Variants in MYOF observed in about 807,000 individuals in gnomAD.
The protein encoded by MYOF is fer-1-like 3, myoferlin.
In MYOF, 244 loss-of-function variants were observed where a neutral mutation model predicts 284.2. The observed-to-expected ratio is 0.86, with a 90% CI of 0.77 to 0.95. The LOEUF is 0.95. MYOF is among the 40% of genes least tolerant of loss of function. The probability of loss-of-function intolerance (pLI) is 0.00; values close to 1 mark genes in which losing one functional copy is unlikely to be tolerated. For synonymous variants in MYOF, 904 were observed against 919.7 expected (o/e 0.98, Z 0.31); for missense variants, 2,496 against 2,560.6 (o/e 0.97, Z 0.54).
intron 49 of MYOF, among the ~76,000 whole-genome samples, chr10:93,318,691 G>A (rs1385449134): frequency 6.6e-6 from 1 of 151,686 alleles, no homozygotes; most frequent in African/African-American, 2.4e-5. Flanking sequence ...CCAGGAGGCA[G>A]AGGTTGTGGT....
rs555976645 is a variant in MYOF, at chr10:93,377,733, T to C, written c.2002-304A>G. 2.0e-5 allele frequency among the ~76,000 whole-genome samples: 3 copies of C among 152,238 alleles called. No homozygotes were observed. In the East Asian group the frequency reaches 5.8e-4, roughly 29 times the overall value. On this transcript the variant is annotated intron_variant, in intron 21 of 53. Coordinates refer to ENST00000359263, the MANE Select transcript of MYOF (RefSeq NM_013451.4). ...CAGAAAAAAAAAACCCATAAACATA[T>C]TGAACTCTAATTAGTAGGCTTATTT...
intron 53 of MYOF, 33 bp from the exon 54 acceptor site, chr10:93,307,034 C>T (rs767993444): frequency 6.3e-7 from 1 of 1,580,706 alleles, no homozygotes; most frequent in South Asian, 1.1e-5. Context: ...GGTAAAAAAA[C>T]ATGTATGTAT....
intron 53 of MYOF, among the ~76,000 whole-genome samples, chr10:93,308,728 T>C (rs542805107): frequency 2.0e-5 from 3 of 152,032 alleles, no homozygotes; most frequent in Non-Finnish European, 4.4e-5. Flanking sequence ...TACTATTTTT[T>C]TGAGACAGAG....
intron 3 of MYOF, among the ~76,000 whole-genome samples, chr10:93,449,151 A>C (rs1468462239): frequency 6.6e-6 from 1 of 152,244 alleles, no homozygotes; most frequent in Non-Finnish European, 1.5e-5. Flanking sequence ...GTAAGTGTGA[A>C]GCAAACACCA....
At chr10:93,439,394 C>T (rs539467047) in intron 3 of MYOF, among the ~76,000 whole-genome samples, 1 of 152,318 alleles carries the variant, frequency 6.6e-6, no homozygotes, top group African/African-American at 2.4e-5. Context: ...TGCCTGCCTG[C>T]CTGCCTGCCT....
chr10:93,378,539 T>C (rs1291364679), intron 21 of MYOF, among the ~76,000 whole-genome samples: 4 of 151,638 alleles, frequency 2.6e-5, no homozygotes, highest in Admixed American at 2.0e-4. Context: ...TGAAACCCCA[T>C]ATGTTTTGGT....
In MYOF at chr10:93,336,041, A is replaced by G. The variant is rs200344423; in HGVS notation, c.4443T>C (p.Tyr1481=). ...CTGCTACATTTTCTAGTTCACAATT[A>G]TATATCTGAAAACCACCAACAGAGT... ...IQKGYSKLKI[Y]NCELENVAEF... is the part of the protein sequence containing the mutation. Residue 1481 remains tyrosine, a synonymous_variant, in exon 41 of 54, where the codon TAT becomes TAC. Transcript: ENST00000359263. The G allele has an allele frequency of 6.2e-7, 1 of 1,613,454 alleles. No individual in the cohort carries two copies. Among genetic ancestry groups the G allele is most frequent in the Admixed American group, 1.7e-5 (1 of 59,842 alleles).
chr10:93,403,007 G>A (rs1448260987), intron 9 of MYOF, 117 bp from the exon 10 acceptor site: 26 of 871,820 alleles, frequency 3.0e-5, no homozygotes, highest in Non-Finnish European at 2.9e-5. Flanking sequence ...ATTTCCTTGA[G>A]ACCCAACATT....
intron 1 of MYOF, among the ~76,000 whole-genome samples, chr10:93,467,170 T>G (rs1564741270): frequency 6.6e-6 from 1 of 151,864 alleles, no homozygotes; most frequent in African/African-American, 2.4e-5. Flanking sequence ...TTTTTTAAAT[T>G]TTATTATTAT....
In MYOF at chr10:93,333,814, C is replaced by T; in HGVS notation, c.4663G>A (p.Val1555Ile). The part of the protein sequence containing the change: ...LPDSVPQECT[V>I]RIYIVRGLEL... ...AAGCCTCGAACAATGTAAATCCTAA[C>T]CGTGCATTCCTGTGGGACGCTGTCA... Residue 1555 changes from valine (V) to isoleucine (I), a missense_variant, in exon 42 of 54, where the codon GTT becomes ATT. This residue lies in a region of MYOF where 2,436 missense variants were observed against 2,480.7 expected (regional missense o/e 0.98). Transcript: ENST00000359263. The T allele has an allele frequency of 6.2e-7, 1 of 1,614,154 alleles. No individual in the cohort carries two copies. The highest frequency in any genetic ancestry group is 8.5e-7 in the Non-Finnish European group (1 of 1,180,036).
intron 43 of MYOF, among the ~76,000 whole-genome samples, chr10:93,331,729 T>G: frequency 6.6e-6 from 1 of 150,436 alleles, no homozygotes; most frequent in Non-Finnish European, 1.5e-5. Flanking sequence ...GGTGGGCAGG[T>G]GTGTGCATGT....
At chr10:93,432,984 A>G (rs1848941051) in intron 3 of MYOF, among the ~76,000 whole-genome samples, 1 of 152,202 alleles carries the variant, frequency 6.6e-6, no homozygotes, top group Non-Finnish European at 1.5e-5. Flanking sequence ...TCTATATAAA[A>G]ATGTAACCTG....
intron 1 of MYOF, among the ~76,000 whole-genome samples, chr10:93,459,167 C>T (rs1008051108): frequency 2.0e-5 from 3 of 152,186 alleles, no homozygotes; most frequent in Admixed American, 2.0e-4. Flanking sequence ...CTCTGAGGTC[C>T]CCTAGACGCT....
intron 36 of MYOF, 61 bp downstream of exon 36, chr10:93,349,747 G>A (rs1844412073): frequency 3.2e-6 from 5 of 1,571,208 alleles, no homozygotes; most frequent in Non-Finnish European, 3.5e-6. Context: ...GTGTGTGTGT[G>A]TGAGGCACAT....
chr10:93,333,911 G>C lies in MYOF; in HGVS notation c.4566C>G (p.Gly1522=). The C allele has an allele frequency of 6.2e-7, 1 of 1,613,734 alleles. No individual in the cohort carries two copies. The highest frequency in any genetic ancestry group is 8.5e-7 in the Non-Finnish European group (1 of 1,179,838). ...EDPSVVGEFK[G]SFRIYPLPDD... Reference sequence around the variant, plus strand: ...CCGGCAGAGGGTAGATCCGAAAGGAGCCCTAAAAGAGAGAGACAGAAGGAC... The same window carrying C: ...CCGGCAGAGGGTAGATCCGAAAGGACCCCTAAAAGAGAGAGACAGAAGGAC... The change falls in exon 42 of 54, where the codon GGC becomes GGG. Residue 1522 remains glycine, a splice_region_variant and synonymous_variant. Transcript: ENST00000359263.
chr10:93,320,060 C>A, intron 48 of MYOF, 47 bp from the exon 49 acceptor site: 1 of 1,605,548 alleles, frequency 6.2e-7, no homozygotes, highest in South Asian at 1.1e-5. Context: ...ATTGACAAGT[C>A]ATGTAGCCGC....
At chr10:93,427,781 A>T (rs1848663991) in intron 4 of MYOF, among the ~76,000 whole-genome samples, 1 of 152,146 alleles carries the variant, frequency 6.6e-6, no homozygotes, top group African/African-American at 2.4e-5. Flanking sequence ...CTAGTTCCTT[A>T]CAAGAGACAA....
intron 3 of MYOF, among the ~76,000 whole-genome samples, chr10:93,432,082 C>A (rs926442912): frequency 1.3e-5 from 2 of 151,908 alleles, no homozygotes; most frequent in Non-Finnish European, 2.9e-5. Context: ...GATAGAGGGG[C>A]AAGAGGTAAA....
chr10:93,377,207 A>C lies in MYOF; in HGVS notation c.2108+116T>G, dbSNP rs532765981. On this transcript the variant is annotated intron_variant, in intron 22 of 53. Transcript: ENST00000359263. The stretch of plus-strand genomic sequence containing the variant: ...GAGGACTTTTTACGAAGTTTGAATA[A>C]TTCAAAATCACTTCTTAGACAAACA... The C allele has an allele frequency of 1.9e-5, 15 of 771,328 alleles. No homozygotes were observed. In the African/African-American group the frequency reaches 2.5e-4, roughly 13 times the overall value. 47.8% of individuals were successfully genotyped at this position (771,328 alleles called of 1,614,324 possible). A position where few individuals can be genotyped will look rare whatever the true frequency, so the allele number is the denominator to read the frequency against.
Sources: gnomAD v4.1 joint callset for allele counts (sites outside exome capture counted in the v4.1 genomes callset) on GRCh38, gnomAD v4.1.1 for gene constraint, gnomAD v4.1.1 regional missense constraint, MANE v1.5 for transcripts, NCBI Gene and HGNC (gene_info 2026-07-23, HGNC 2026-07-21) for gene names.